The following AMBRA1 variants were observed in gnomAD, a reference collection of about 807,000 sequenced individuals.
AMBRA1 encodes autophagy and beclin 1 regulator 1, also known as activating molecule in BECN1-regulated autophagy protein 1.
Under a neutral mutation model 125.4 loss-of-function variants are expected in AMBRA1, and 47 were observed. That is an observed-to-expected ratio of 0.37 (90% CI 0.30 to 0.48). The LOEUF (loss-of-function observed/expected upper bound fraction) is 0.48. Among genes scored for constraint, AMBRA1 ranks in the 20% least tolerant of loss-of-function variants. The pLI is 0.99. For synonymous variants in AMBRA1, 626 were observed against 655.5 expected (o/e 0.95, Z 0.69); for missense variants, 1,331 against 1,693.4 (o/e 0.79, Z 3.76).
intron 11 of AMBRA1, among the ~76,000 whole-genome samples, chr11:46,490,745 T>C (rs1016826634): frequency 6.6e-5 from 10 of 152,210 alleles, no homozygotes; most frequent in Admixed American, 6.5e-4. Flanking sequence ...GACTGAGTCA[T>C]GGCTAACCAC....
intron 12 of AMBRA1, among the ~76,000 whole-genome samples, chr11:46,439,495 G>A (rs1947896428): frequency 6.6e-6 from 1 of 151,952 alleles, no homozygotes; most frequent in South Asian, 2.1e-4. Context: ...CATATGGGGG[G>A]GAAATTGGAT....
At chr11:46,519,037 T>G (rs1031649062) in intron 7 of AMBRA1, among the ~76,000 whole-genome samples, 1 of 152,166 alleles carries the variant, frequency 6.6e-6, no homozygotes, top group African/African-American at 2.4e-5. Flanking sequence ...TTATTTTATT[T>G]CATTTTTTGA....
rs574896359 is a variant in AMBRA1, at chr11:46,567,806, A to G, written c.-120-19306T>C. ...TGCCTATGATTGCAACCCCAAACCA[A>G]TCAGCAGCACCCATTCCCTAGCCTG... On this transcript the variant is annotated intron_variant, in intron 1 of 17. Coordinates refer to ENST00000683756, the MANE Select transcript of AMBRA1 (RefSeq NM_001387011.1). 2.6e-5 allele frequency among the ~76,000 whole-genome samples: 4 copies of G among 152,086 alleles called. No individual in the cohort carries two copies. In the South Asian group the frequency reaches 6.3e-4, roughly 24 times the overall value.
At chr11:46,418,886 A>G (rs1946708676) in intron 14 of AMBRA1, among the ~76,000 whole-genome samples, 1 of 151,574 alleles carries the variant, frequency 6.6e-6, no homozygotes, top group Non-Finnish European at 1.5e-5. Flanking sequence ...ACTGCCCATA[A>G]CTTTCCTCTG....
chr11:46,488,430 C>T (rs985137563), intron 11 of AMBRA1, among the ~76,000 whole-genome samples: 2 of 150,876 alleles, frequency 1.3e-5, no homozygotes, highest in African/African-American at 2.4e-5. Flanking sequence ...GGCAACAGAG[C>T]GAGGCTCTGT....
At chr11:46,519,806 G>A (rs1951678188) in intron 7 of AMBRA1, among the ~76,000 whole-genome samples, 1 of 152,116 alleles carries the variant, frequency 6.6e-6, no homozygotes, top group African/African-American at 2.4e-5. Context: ...CTCTAGTCCA[G>A]TGGTTTACAA....
At chr11:46,438,136 T>C (rs1235896964) in intron 12 of AMBRA1, among the ~76,000 whole-genome samples, 2 of 151,826 alleles carry the variant, frequency 1.3e-5, no homozygotes, top group Admixed American at 6.6e-5. Flanking sequence ...AAAAACATAT[T>C]GGAAAAAAAT....
At chr11:46,466,384 A>T (rs911438725) in intron 11 of AMBRA1, among the ~76,000 whole-genome samples, 4 of 151,512 alleles carry the variant, frequency 2.6e-5, no homozygotes, top group Non-Finnish European at 5.9e-5. Context: ...TCTAACGAGG[A>T]GACCAACCAC....
At chr11:46,407,430 A>G (rs1468429903) in intron 17 of AMBRA1, among the ~76,000 whole-genome samples, 1 of 152,114 alleles carries the variant, frequency 6.6e-6, no homozygotes, top group Non-Finnish European at 1.5e-5. Context: ...AGCAGCTCAG[A>G]GTCCACAGAA....
At chr11:46,463,825 TC>T (rs1206620608) in intron 11 of AMBRA1, among the ~76,000 whole-genome samples, 1 of 152,194 alleles carries the variant, frequency 6.6e-6, no homozygotes, top group Non-Finnish European at 1.5e-5. Context: ...TGGGCGGGCT[TC>T]CCTCTGCAAG....
In AMBRA1 at chr11:46,434,859, G is replaced by C; in HGVS notation, c.2811C>G (p.Thr937=). ...APHNLGEMLY[T]KRFGPNAISV... ...CTTCCTATCCCTTACCAAATCGCTT[G>C]GTGTAGAGCATTTCGCCCAGGTTAT... The change falls in exon 13 of 18, where the codon ACC becomes ACG. Residue 937 remains threonine (T), a synonymous_variant. Coordinates refer to ENST00000683756, the MANE Select transcript of AMBRA1 (RefSeq NM_001387011.1). 6.3e-7 allele frequency: 1 copy of C among 1,599,874 alleles called. No individual in the cohort carries two copies. Among genetic ancestry groups the C allele is most frequent in the Non-Finnish European group, 8.5e-7 (1 of 1,173,794 alleles).
At chr11:46,438,356 T>C (rs1433327356) in intron 12 of AMBRA1, among the ~76,000 whole-genome samples, 1 of 152,144 alleles carries the variant, frequency 6.6e-6, no homozygotes, top group Non-Finnish European at 1.5e-5. Context: ...TAGCAGGGAA[T>C]GGGAGGGGTT....
intron 7 of AMBRA1, among the ~76,000 whole-genome samples, chr11:46,529,638 T>C (rs1952126385): frequency 6.6e-6 from 1 of 152,138 alleles, no homozygotes; most frequent in South Asian, 2.1e-4. Flanking sequence ...ATCAAGAAAG[T>C]CCATGCCTTG....
intron 1 of AMBRA1, among the ~76,000 whole-genome samples, chr11:46,549,990 TG>T (rs1468963124): frequency 6.6e-6 from 1 of 152,136 alleles, no homozygotes; most frequent in Non-Finnish European, 1.5e-5. Flanking sequence ...AGCTAATTTT[TG>T]TATTTTTAGT....
At chr11:46,506,580 A>G (rs1422882096) in intron 9 of AMBRA1, among the ~76,000 whole-genome samples, 2 of 152,200 alleles carry the variant, frequency 1.3e-5, no homozygotes, top group Admixed American at 6.5e-5. Flanking sequence ...AGAACTCTTA[A>G]GGCCCCAGAC....
At chr11:46,428,701 G>A in intron 14 of AMBRA1, 8 of 1,605,072 alleles carry the variant, frequency 5.0e-6, no homozygotes, top group Non-Finnish European at 5.9e-6. Flanking sequence ...CTCTAAACTG[G>A]AATTCGGTTG....
intron 15 of AMBRA1, among the ~76,000 whole-genome samples, chr11:46,411,899 T>A (rs1946312655): frequency 6.6e-6 from 1 of 152,214 alleles, no homozygotes; most frequent in Non-Finnish European, 1.5e-5. Context: ...GTGTTGGGAT[T>A]ACAGGCGTGA....
intron 12 of AMBRA1, among the ~76,000 whole-genome samples, chr11:46,436,189 C>A (rs370745575): frequency 6.6e-6 from 1 of 152,184 alleles, no homozygotes; most frequent in East Asian, 1.9e-4. Flanking sequence ...CTGCAGTAAT[C>A]CAAAAAAAGT....
intron 11 of AMBRA1, among the ~76,000 whole-genome samples, chr11:46,456,735 A>G (rs1285539109): frequency 6.6e-6 from 1 of 152,222 alleles, no homozygotes; most frequent in Non-Finnish European, 1.5e-5. Flanking sequence ...TGCTGCAAAG[A>G]GGATGCAGAT....
Sources: allele counts gnomAD v4.1 joint callset (sites outside exome capture counted in the v4.1 genomes callset), GRCh38; gene constraint gnomAD v4.1.1; transcripts MANE v1.5; gene names NCBI Gene and HGNC (gene_info 2026-07-23, HGNC 2026-07-21).